LEKR1: variants seen among roughly 807,000 people sequenced by gnomAD.
LEKR1 encodes leucine, glutamate and lysine rich 1, also known as protein LEKR1.
A neutral mutation model predicts 72.4 loss-of-function variants in LEKR1; 59 were observed. The ratio of observed to expected loss-of-function variants is 0.82; its 90% CI spans 0.66 to 1.01. LEKR1 has a LOEUF of 1.01. Ranked by LOEUF, LEKR1 falls within the 50% of genes least tolerant of loss-of-function variation. The probability of loss-of-function intolerance (pLI) is 0.00; values close to 1 mark genes in which losing one functional copy is unlikely to be tolerated. For missense variants in LEKR1, 728 were observed against 759.2 expected, an observed-to-expected ratio of 0.96 and a Z score of 0.48; for synonymous variants, 257 against 263.2, an observed-to-expected ratio of 0.98 and a Z score of 0.23.
chr3:157,041,654 C>T (rs1013222745), intron 12 of LEKR1, among the ~76,000 whole-genome samples: 2 of 152,172 alleles, frequency 1.3e-5, no homozygotes, highest in African/African-American at 2.4e-5. Flanking sequence ...TCACCTGGCT[C>T]ATGCCTTCCT....
intron 6 of LEKR1, among the ~76,000 whole-genome samples, chr3:156,974,234 T>A (rs144605233): frequency 4.9e-4 from 74 of 152,182 alleles, no homozygotes; most frequent in African/African-American, 1.7e-3. Context: ...CATGGATAGG[T>A]CTCAAAAAAC....
chr3:156,827,004 A>C (rs1469390026), intron 1 of LEKR1: 2 of 154,446 alleles, frequency 1.3e-5, no homozygotes, highest in Non-Finnish European at 2.9e-5. Context: ...ACAAACACCC[A>C]CGTAGCTGCA....
chr3:156,983,370 A>G (rs914373174), intron 7 of LEKR1, among the ~76,000 whole-genome samples: 35 of 152,162 alleles, frequency 2.3e-4, no homozygotes, highest in Non-Finnish European at 4.6e-4. Context: ...TCACACTCCA[A>G]TCTACATAAG....
intron 3 of LEKR1, among the ~76,000 whole-genome samples, chr3:156,874,027 G>A (rs991605340): frequency 1.2e-4 from 18 of 152,126 alleles, no homozygotes; most frequent in African/African-American, 4.3e-4. Context: ...TCCTGTATCT[G>A]GAAGTCTAAA....
At chr3:157,023,956 G>C (rs1459983355) in intron 10 of LEKR1, among the ~76,000 whole-genome samples, 1 of 152,142 alleles carries the variant, frequency 6.6e-6, no homozygotes. Context: ...AGACATGATG[G>C]AATGTGAAAA....
At chr3:156,879,187 A>G (rs1451362960) in intron 3 of LEKR1, among the ~76,000 whole-genome samples, 1 of 152,310 alleles carries the variant, frequency 6.6e-6, no homozygotes, top group East Asian at 1.9e-4. Context: ...GGAACTTCCT[A>G]TAGACTTGTT....
At chr3:156,938,359 A>G (rs1046457635) in intron 5 of LEKR1, among the ~76,000 whole-genome samples, 1 of 152,100 alleles carries the variant, frequency 6.6e-6, no homozygotes, top group African/African-American at 2.4e-5. Flanking sequence ...CAAAATAAAA[A>G]GTTTTTATGT....
In LEKR1 at chr3:156,979,276, G is replaced by GT. The variant is rs752978418; in HGVS notation, c.827+2dup. On this transcript the variant is annotated splice_donor_variant, in intron 7 of 12. Transcript: ENST00000356539. LOFTEE classifies it high-confidence loss of function. ...TGGACAACTATAAAGAAATGCTTAT[G>GT]TAAGATGGAGAATATTAAACAACTT... 6.0e-5 allele frequency: 76 copies of GT among 1,263,152 alleles called. 1 individual carries two copies. In the South Asian group the frequency reaches 9.2e-4, roughly 15 times the overall value. 78.2% of individuals were successfully genotyped at this position (1,263,152 alleles called of 1,614,324 possible).
At position 157,044,090 on chromosome 3, in the gene LEKR1, C is replaced by T. The variant is rs548525971; in HGVS notation, c.1669-1250C>T. On this transcript the variant is annotated intron_variant, in intron 12 of 12. Transcript: ENST00000356539. ...GTGCTTTGTTATTTAGTTCTTCTGA[C>T]AGCAGATTAGTCAGTCAACCCTTAG... Among the ~76,000 whole-genome samples the T allele has an allele frequency of 3.3e-5, 5 of 152,330 alleles. No homozygotes were observed. The South Asian group carries it at 1.0e-3, about 32-fold the overall frequency.
chr3:156,937,029 C>G (rs560919409), intron 5 of LEKR1, among the ~76,000 whole-genome samples: 2 of 152,140 alleles, frequency 1.3e-5, no homozygotes, highest in Admixed American at 1.3e-4. Flanking sequence ...GTAGTCCCAG[C>G]TACTCAGGAC....
intron 12 of LEKR1, among the ~76,000 whole-genome samples, chr3:157,032,024 G>A (rs748670207): frequency 5.9e-5 from 9 of 151,900 alleles, no homozygotes; most frequent in Non-Finnish European, 8.8e-5. Context: ...TGTGAACAAG[G>A]AGTCCCTGAG....
intron 5 of LEKR1, among the ~76,000 whole-genome samples, chr3:156,942,073 TC>T (rs1357032882): frequency 3.9e-5 from 6 of 151,998 alleles, no homozygotes; most frequent in Non-Finnish European, 7.4e-5. Flanking sequence ...TCCACTCTAC[TC>T]CTAAAATCTT....
In LEKR1 at chr3:156,992,343, A is replaced by G. The variant is rs150499137; in HGVS notation, c.828-310A>G. Among the ~76,000 whole-genome samples, 519 of 152,230 alleles carry G rather than the reference A, an allele frequency of 3.4e-3. 4 individuals are homozygous for G. Among genetic ancestry groups the G allele is most frequent in the Non-Finnish European group, 4.7e-3 (321 of 68,010 alleles). On this transcript the variant is annotated intron_variant, in intron 7 of 12. Coordinates refer to ENST00000356539, the MANE Select transcript of LEKR1 (RefSeq NM_001004316.3). ...TGCTGTCACCTCATTCCAACTGTCA[A>G]CTTTCCTCCAGAATCTCCCTGCTTT...
intron 6 of LEKR1, among the ~76,000 whole-genome samples, chr3:156,954,554 C>T (rs975410515): frequency 1.3e-5 from 2 of 151,952 alleles, no homozygotes; most frequent in Non-Finnish European, 2.9e-5. Context: ...AGAAAGGGGT[C>T]CAGTTTCAGT....
chr3:156,923,401 C>T (rs1230799361), intron 4 of LEKR1, among the ~76,000 whole-genome samples: 1 of 152,158 alleles, frequency 6.6e-6, no homozygotes, highest in Non-Finnish European at 1.5e-5. Context: ...ATACTTTTCT[C>T]GACATTTCAG....
intron 6 of LEKR1, among the ~76,000 whole-genome samples, chr3:156,972,499 T>A (rs1729309753): frequency 6.6e-6 from 1 of 151,874 alleles, no homozygotes; most frequent in South Asian, 2.1e-4. Flanking sequence ...ATAATAAAAA[T>A]AAATAAATAA....
chr3:157,013,402 AGTTAGT>A (rs1733060033), intron 10 of LEKR1, among the ~76,000 whole-genome samples: 1 of 152,132 alleles, frequency 6.6e-6, no homozygotes, highest in Non-Finnish European at 1.5e-5. Flanking sequence ...GAGTAAAACA[AGTTAGT>A]GTTAGCATCT....
intron 6 of LEKR1, among the ~76,000 whole-genome samples, chr3:156,973,502 A>G (rs1220367822): frequency 6.6e-6 from 1 of 152,190 alleles, no homozygotes; most frequent in African/African-American, 2.4e-5. Flanking sequence ...ATCTAAGATT[A>G]AGAATAATCA....
chr3:156,853,599 A>T (rs1338857194), intron 3 of LEKR1, among the ~76,000 whole-genome samples: 3 of 152,038 alleles, frequency 2.0e-5, no homozygotes, highest in Non-Finnish European at 4.4e-5. Flanking sequence ...ATGTTAAGAG[A>T]CCTTGAGTTA....
Sources: gnomAD v4.1 joint callset for allele counts (sites outside exome capture counted in the v4.1 genomes callset) on GRCh38, gnomAD v4.1.1 for gene constraint, MANE v1.5 for transcripts, NCBI Gene and HGNC (gene_info 2026-07-23, HGNC 2026-07-21) for gene names.